CUL5: variants seen among roughly 807,000 people sequenced by gnomAD.
CUL5 encodes the protein cullin 5, also known as cullin-5.
Under a neutral mutation model 108.8 loss-of-function variants are expected in CUL5, and 26 were observed. The ratio of observed to expected loss-of-function variants is 0.24; its 90% CI spans 0.18 to 0.33. The LOEUF (loss-of-function observed/expected upper bound fraction) is 0.33, where lower values mean the gene tolerates loss of function less well. Among genes scored for constraint, CUL5 ranks in the 10% least tolerant of loss-of-function variants. The pLI, the probability that CUL5 is intolerant of heterozygous loss-of-function variation, is 1.00. For missense variants in CUL5, 524 were observed against 909.2 expected (o/e 0.58, Z 5.45); for synonymous variants, 334 against 298.0 (o/e 1.12, Z -1.25).
intron 7 of CUL5, among the ~76,000 whole-genome samples, chr11:108,063,661 A>ATAAATAAAT (rs1555018731): frequency 1.3e-5 from 2 of 149,610 alleles, no homozygotes; most frequent in Admixed American, 1.3e-4. Flanking sequence ...AAATTTAAAA[A>ATAAATAAAT]AAATAAATAA....
rs1348432516 is a variant in CUL5, at chr11:108,094,986, T to C, written c.1742T>C (p.Ile581Thr). ...LHWHHLMSNG[I>T]ITFKNEVGQY... ...TGGCATCATCTCATGTCAAATGGAA[T>C]TGTAAGTAGATAGTGTGTTAGTTAT... Residue 581 changes from isoleucine to threonine, a missense_variant and splice_region_variant, in exon 15 of 19, where the codon ATT becomes ACT. Ile to Thr is a moderately conservative substitution (Grantham distance 89). Coordinates refer to ENST00000393094, the MANE Select transcript of CUL5 (RefSeq NM_003478.6). 2.5e-6 allele frequency: 4 copies of C among 1,605,194 alleles called. No individual in the cohort carries two copies. In the South Asian group the frequency reaches 4.5e-5, roughly 18 times the overall value.
At chr11:108,030,065 C>T (rs1862542041) in intron 1 of CUL5, among the ~76,000 whole-genome samples, 1 of 152,126 alleles carries the variant, frequency 6.6e-6, no homozygotes, top group Non-Finnish European at 1.5e-5. Flanking sequence ...ACCTCTTCCT[C>T]ATAGGGAAGA....
At chr11:108,103,101 A>G (rs1228685355) in intron 18 of CUL5, among the ~76,000 whole-genome samples, 2 of 152,212 alleles carry the variant, frequency 1.3e-5, no homozygotes, top group African/African-American at 4.8e-5. Context: ...CGGCATATAC[A>G]TGCCTTTTGT....
Position 108,070,093 on chromosome 11 carries a change from C to G in CUL5, c.781-3C>G. On this transcript the variant is annotated splice_polypyrimidine_tract_variant and splice_region_variant and intron_variant, in intron 7 of 18. Transcript: ENST00000393094. ...GCCTTGACTAATTTTTGATATATTTCAGCTCATGGAATGCTGTGTAAATGC... is the reference window on the plus strand; with the variant it reads ...GCCTTGACTAATTTTTGATATATTTGAGCTCATGGAATGCTGTGTAAATGC... 1 of 1,600,980 alleles carries G rather than the reference C, an allele frequency of 6.2e-7. No homozygotes were observed. The highest frequency in any genetic ancestry group is 8.5e-7 in the Non-Finnish European group (1 of 1,170,268).
intron 12 of CUL5, among the ~76,000 whole-genome samples, chr11:108,089,079 T>G (rs935054844): frequency 7.2e-5 from 11 of 151,926 alleles, no homozygotes; most frequent in African/African-American, 2.2e-4. Context: ...AGTGTAATGA[T>G]GTAAGCCCAG....
chr11:108,052,438 T>A (rs1283626835), intron 4 of CUL5, among the ~76,000 whole-genome samples: 2 of 152,034 alleles, frequency 1.3e-5, no homozygotes, highest in Non-Finnish European at 2.9e-5. Context: ...TTTTTGTATT[T>A]TTTTGTAGAG....
At chr11:108,083,893 A>C (rs565981987) in intron 11 of CUL5, among the ~76,000 whole-genome samples, 1 of 152,338 alleles carries the variant, frequency 6.6e-6, no homozygotes, top group South Asian at 2.1e-4. Context: ...AAGCTTGTCC[A>C]ACCCTGCGGG....
intron 1 of CUL5, among the ~76,000 whole-genome samples, chr11:108,016,660 T>C (rs1862200031): frequency 6.6e-6 from 1 of 152,202 alleles, no homozygotes; most frequent in African/African-American, 2.4e-5. Context: ...ATGCCTCATA[T>C]GCTCTGTAAG....
At chr11:108,100,643 G>A (rs923390476) in intron 18 of CUL5, among the ~76,000 whole-genome samples, 4 of 152,206 alleles carry the variant, frequency 2.6e-5, no homozygotes, top group Admixed American at 6.5e-5. Flanking sequence ...GAAAGAAAAT[G>A]AATTATTCAC....
At chr11:108,094,674 T>A (rs1278878957) in intron 14 of CUL5, 138 bp from the exon 15 acceptor site, 1 of 829,532 alleles carries the variant, frequency 1.2e-6, no homozygotes, top group South Asian at 2.2e-5. Context: ...GATTTACAGA[T>A]CTTTATTTCA....
intron 2 of CUL5, among the ~76,000 whole-genome samples, chr11:108,040,611 C>A (rs1445337705): frequency 3.2e-4 from 36 of 112,660 alleles, no homozygotes; most frequent in African/African-American, 1.0e-3. Flanking sequence ...GACTCCGTCT[C>A]AAAAAAAAAA....
chr11:108,074,728 C>G (rs1863905893), intron 10 of CUL5, among the ~76,000 whole-genome samples: 1 of 152,038 alleles, frequency 6.6e-6, no homozygotes. Flanking sequence ...ATTGCTTGAA[C>G]CCAGGAGGTG....
chr11:108,073,993 G>A (rs1240896854), intron 10 of CUL5: 1 of 152,246 alleles, frequency 6.6e-6, no homozygotes, highest in African/African-American at 2.4e-5. Flanking sequence ...CACTAGTATA[G>A]GATAATGATA....
At chr11:108,045,906 A>C (rs1863055845) in intron 2 of CUL5, among the ~76,000 whole-genome samples, 1 of 152,118 alleles carries the variant, frequency 6.6e-6, no homozygotes, top group Non-Finnish European at 1.5e-5. Flanking sequence ...AAAAAGGACA[A>C]AATAGTATAC....
At chr11:108,070,009 TGAAC>T in intron 7 of CUL5, 83 bp from the exon 8 acceptor site, 1 of 808,398 alleles carries the variant, frequency 1.2e-6, no homozygotes, top group African/African-American at 1.7e-5. Flanking sequence ...TTTTTTTTGT[TGAAC>T]AATATTGTTT....
Position 108,106,602 on chromosome 11 carries a change from CATTT to C in CUL5, c.*2220_*2223del, listed in dbSNP as rs1864808549. ...ACTACTTTTTGGTGTTTATGAAAAT[CATTT>C]AGTTGACAAGGTGCCTATGCCATTG... On this transcript the variant is annotated 3_prime_UTR_variant, in exon 19 of 19. Transcript: ENST00000393094. The C allele has an allele frequency of 7.3e-6, 1 of 136,304 alleles. No individual in the cohort carries two copies. The highest frequency in any genetic ancestry group is 1.6e-5 in the Non-Finnish European group (1 of 64,478). 8.4% of individuals were successfully genotyped at this position (136,304 alleles called of 1,614,324 possible).
chr11:108,098,341 G>T, intron 17 of CUL5, 65 bp from the exon 18 acceptor site: 1 of 1,386,914 alleles, frequency 7.2e-7, no homozygotes, highest in South Asian at 1.3e-5. Context: ...CTCAGACATT[G>T]TTGCTATAAT....
intron 1 of CUL5, among the ~76,000 whole-genome samples, chr11:108,017,407 A>AAG (rs1862225176): frequency 6.6e-6 from 1 of 151,364 alleles, no homozygotes; most frequent in African/African-American, 2.4e-5. Flanking sequence ...AAAAAAAAAA[A>AAG]AAAGTATCAG....
At chr11:108,039,230 G>T (rs971255178) in intron 2 of CUL5, among the ~76,000 whole-genome samples, 1 of 152,048 alleles carries the variant, frequency 6.6e-6, no homozygotes, top group Non-Finnish European at 1.5e-5. Flanking sequence ...ATGTTGATCA[G>T]ACTGGTCTTG....
Sources: gnomAD v4.1 joint callset for allele counts (sites outside exome capture counted in the v4.1 genomes callset) on GRCh38, gnomAD v4.1.1 for gene constraint, MANE v1.5 for transcripts, NCBI Gene and HGNC (gene_info 2026-07-23, HGNC 2026-07-21) for gene names.